The following LSAMP variants were observed in gnomAD, a reference collection of about 807,000 sequenced individuals.
The protein encoded by LSAMP is limbic system associated membrane protein, also known as limbic system-associated membrane protein.
Under a neutral mutation model 38.6 loss-of-function variants are expected in LSAMP, and 7 were observed. That is an observed-to-expected ratio of 0.18 (90% CI 0.10 to 0.34). The LOEUF is 0.34. Among genes scored for constraint, LSAMP ranks in the 10% least tolerant of loss-of-function variants. The pLI is 1.00. For missense variants in LSAMP, 313 were observed against 420.0 expected, an observed-to-expected ratio of 0.75 and a Z score of 2.23; for synonymous variants, 154 against 166.8, an observed-to-expected ratio of 0.92 and a Z score of 0.59.
intron 3 of LSAMP, among the ~76,000 whole-genome samples, chr3:115,979,218 A>G (rs532640955): frequency 6.6e-6 from 1 of 152,144 alleles, no homozygotes; most frequent in African/African-American, 2.4e-5. Context: ...AAAAAACAGA[A>G]TAAGTTGGTC....
At chr3:116,322,446 T>C (rs2047717746) in intron 1 of LSAMP, among the ~76,000 whole-genome samples, 1 of 152,166 alleles carries the variant, frequency 6.6e-6, no homozygotes, top group Admixed American at 6.5e-5. Context: ...TCTGTAAGCA[T>C]GGTTATTCTT....
chr3:115,814,787 G>A lies in LSAMP; in HGVS notation c.920-4373C>T, dbSNP rs72949703. ...TAGAATTATTAAGGGCTGATTGAGTGACTGAAAATAGAACAAAATTCTAAA... is the reference window on the plus strand; with the variant it reads ...TAGAATTATTAAGGGCTGATTGAGTAACTGAAAATAGAACAAAATTCTAAA... On this transcript the variant is annotated intron_variant, in intron 6 of 6. Coordinates refer to ENST00000490035, the MANE Select transcript of LSAMP (RefSeq NM_002338.5). Among the ~76,000 whole-genome samples, 688 of 152,290 alleles carry A rather than the reference G, an allele frequency of 4.5e-3. 7 individuals carry two copies. The highest frequency in any genetic ancestry group is 0.016 in the African/African-American group (659 of 41,568).
intron 1 of LSAMP, among the ~76,000 whole-genome samples, chr3:116,283,781 AT>A (rs1416211948): frequency 6.6e-6 from 1 of 152,010 alleles, no homozygotes; most frequent in Non-Finnish European, 1.5e-5. Flanking sequence ...CTTAGTTTTT[AT>A]TTTTCTTCCA....
At chr3:115,983,152 A>G (rs939009595) in intron 3 of LSAMP, among the ~76,000 whole-genome samples, 2 of 152,068 alleles carry the variant, frequency 1.3e-5, no homozygotes, top group African/African-American at 4.8e-5. Context: ...CAAAAAGGAA[A>G]CTGAGTATGG....
At chr3:116,273,840 T>G (rs368327069) in intron 1 of LSAMP, among the ~76,000 whole-genome samples, 1 of 150,522 alleles carries the variant, frequency 6.6e-6, no homozygotes, top group Non-Finnish European at 1.5e-5. Flanking sequence ...TCTTTCGCTT[T>G]CTCTTAATGG....
intron 1 of LSAMP, among the ~76,000 whole-genome samples, chr3:116,226,155 CG>C (rs1559790549): frequency 6.6e-6 from 1 of 152,132 alleles, no homozygotes; most frequent in Non-Finnish European, 1.5e-5. Flanking sequence ...CTATACAAAA[CG>C]GTAACCATGA....
chr3:116,199,995 G>A (rs1163160176), intron 1 of LSAMP, among the ~76,000 whole-genome samples: 2 of 151,970 alleles, frequency 1.3e-5, no homozygotes, highest in Non-Finnish European at 2.9e-5. Context: ...AACTGGAAAT[G>A]AATGTAGAAG....
At chr3:116,324,944 T>C (rs1045839504) in intron 1 of LSAMP, among the ~76,000 whole-genome samples, 2 of 152,058 alleles carry the variant, frequency 1.3e-5, no homozygotes, top group East Asian at 1.9e-4. Context: ...CCGTCCTTCA[T>C]AGTCTTTCAC....
chr3:115,912,378 G>A (rs1432914975), intron 3 of LSAMP, among the ~76,000 whole-genome samples: 1 of 152,198 alleles, frequency 6.6e-6, no homozygotes, highest in Non-Finnish European at 1.5e-5. Flanking sequence ...ATGTCCAACT[G>A]CTGCAAACCT....
chr3:116,108,555 T>C (rs1474571105), intron 1 of LSAMP, among the ~76,000 whole-genome samples: 1 of 152,130 alleles, frequency 6.6e-6, no homozygotes, highest in Non-Finnish European at 1.5e-5. Context: ...CTACGGTGTT[T>C]CCGAGGCAAT....
chr3:116,439,755 G>T (rs1024642404), intron 1 of LSAMP, among the ~76,000 whole-genome samples: 3 of 152,108 alleles, frequency 2.0e-5, no homozygotes, highest in African/African-American at 7.2e-5. Flanking sequence ...ACGGAGTCTC[G>T]CTCTGTCGCC....
intron 1 of LSAMP, among the ~76,000 whole-genome samples, chr3:116,190,088 G>GACACACAC (rs3071108): frequency 0.032 from 4,609 of 142,640 alleles, 101 homozygotes; most frequent in African/African-American, 0.046. Context: ...TCCAGTAGTA[G>GACACACAC]ACACACACAC....
At chr3:116,395,110 ACTAC>A (rs1205523999) in intron 1 of LSAMP, among the ~76,000 whole-genome samples, 1 of 151,812 alleles carries the variant, frequency 6.6e-6, no homozygotes, top group Non-Finnish European at 1.5e-5. Context: ...TTTTACTCTC[ACTAC>A]CTACCTTGCT....
chr3:116,203,251 T>A (rs1357254809), intron 1 of LSAMP, among the ~76,000 whole-genome samples: 1 of 152,218 alleles, frequency 6.6e-6, no homozygotes, highest in Admixed American at 6.5e-5. Flanking sequence ...TATGTTCTCT[T>A]CAGTAGATTT....
chr3:116,137,346 A>C (rs900049075), intron 1 of LSAMP, among the ~76,000 whole-genome samples: 6 of 152,068 alleles, frequency 3.9e-5, no homozygotes, highest in African/African-American at 1.4e-4. Flanking sequence ...GTAATCATTC[A>C]ACTCACTACA....
At chr3:116,349,281 C>A (rs563886955) in intron 1 of LSAMP, among the ~76,000 whole-genome samples, 2 of 151,936 alleles carry the variant, frequency 1.3e-5, no homozygotes, top group Non-Finnish European at 2.9e-5. Context: ...GGCTATCCAT[C>A]AATATTAGAA....
At chr3:115,939,844 G>T (rs1322844294) in intron 3 of LSAMP, among the ~76,000 whole-genome samples, 1 of 152,032 alleles carries the variant, frequency 6.6e-6, no homozygotes, top group Non-Finnish European at 1.5e-5. Flanking sequence ...CAGGCCCTAT[G>T]TTTTCTTCTA....
chr3:116,331,673 T>G (rs865917731), intron 1 of LSAMP, among the ~76,000 whole-genome samples: 1 of 152,118 alleles, frequency 6.6e-6, no homozygotes, highest in African/African-American at 2.4e-5. Context: ...CATGGAGTTC[T>G]GCAAGGTAAA....
At chr3:116,211,492 A>C (rs2046155893) in intron 1 of LSAMP, among the ~76,000 whole-genome samples, 1 of 152,126 alleles carries the variant, frequency 6.6e-6, no homozygotes, top group Admixed American at 6.6e-5. Context: ...AAAATTGATA[A>C]ATAATAAAGC....
Sources: gnomAD v4.1 joint callset for allele counts (sites outside exome capture counted in the v4.1 genomes callset) on GRCh38, gnomAD v4.1.1 for gene constraint, MANE v1.5 for transcripts, NCBI Gene and HGNC (gene_info 2026-07-23, HGNC 2026-07-21) for gene names.